Variants in MFHAS1 observed in about 807,000 individuals in gnomAD.
The protein encoded by MFHAS1 is multifunctional ROCO family signaling regulator 1, also known as malignant fibrous histiocytoma-amplified sequence 1.
In MFHAS1, 50 loss-of-function variants were observed where a neutral mutation model predicts 70.4. The observed-to-expected ratio is 0.71, with a 90% CI of 0.57 to 0.90. MFHAS1 has a LOEUF of 0.90. MFHAS1 is among the 40% of genes least tolerant of loss of function. MFHAS1 has a pLI of 0.00. For synonymous variants in MFHAS1, 952 were observed against 620.0 expected, an observed-to-expected ratio of 1.54 and a Z score of -7.96; for missense variants, 1,795 against 1,347.6, an observed-to-expected ratio of 1.33 and a Z score of -5.20.
At chr8:8,867,317 A>T (rs1232205756) in intron 1 of MFHAS1, among the ~76,000 whole-genome samples, 1 of 152,188 alleles carries the variant, frequency 6.6e-6, no homozygotes, top group East Asian at 1.9e-4. Context: ...ATACCCTCAC[A>T]TTTTTGAAAG....
At chr8:8,799,914 T>C (rs188566622) in intron 1 of MFHAS1, among the ~76,000 whole-genome samples, 2 of 152,336 alleles carry the variant, frequency 1.3e-5, no homozygotes, top group East Asian at 1.9e-4. Context: ...ATCCTCATTT[T>C]ACAAATGAGG....
At position 8,868,313 on chromosome 8, in the gene MFHAS1, C is replaced by T. The variant is rs144612791; in HGVS notation, c.2998+21748G>A. The stretch of plus-strand genomic sequence containing the variant: ...ATGAGCACTGTGTTGTATCTTTCGG[C>T]TAATAATATAGACAAACTAAGTTAA... On this transcript the variant is annotated intron_variant, in intron 1 of 2. Coordinates refer to ENST00000276282, the MANE Select transcript of MFHAS1 (RefSeq NM_004225.3). 1.9e-4 allele frequency among the ~76,000 whole-genome samples: 28 copies of T among 151,282 alleles called. No homozygotes were observed. The East Asian group carries it at 4.7e-3, about 25-fold the overall frequency.
intron 1 of MFHAS1, among the ~76,000 whole-genome samples, chr8:8,825,121 T>A (rs1313489922): frequency 6.6e-6 from 1 of 152,226 alleles, no homozygotes; most frequent in Non-Finnish European, 1.5e-5. Flanking sequence ...ATCAGCTTGC[T>A]AAGGCTATCA....
Position 8,784,508 on chromosome 8 carries a change from C to T in MFHAS1, c.*1514G>A, listed in dbSNP as rs1377471573. The T allele has an allele frequency of 6.6e-6, 1 of 152,166 alleles. No homozygotes were observed. Among genetic ancestry groups the T allele is most frequent in the Admixed American group, 6.5e-5 (1 of 15,286 alleles). The allele number at this position is 152,166 out of a possible 1,614,324, so 9.4% of individuals were successfully genotyped here. A position where few individuals can be genotyped will look rare whatever the true frequency, so the allele number is the denominator to read the frequency against. On this transcript the variant is annotated 3_prime_UTR_variant, in exon 3 of 3. Transcript: ENST00000276282. ...GGTTCTGGAGTCAGTGAAATTAATGCCTGGGGCACAAAATATTCTACAAAA... is the reference window on the plus strand; with the variant it reads ...GGTTCTGGAGTCAGTGAAATTAATGTCTGGGGCACAAAATATTCTACAAAA...
intron 1 of MFHAS1, among the ~76,000 whole-genome samples, chr8:8,853,402 A>G (rs1271749203): frequency 6.6e-6 from 1 of 151,070 alleles, no homozygotes; most frequent in Non-Finnish European, 1.5e-5. Flanking sequence ...TTACAGTTCC[A>G]TAAACCCAGA....
intron 1 of MFHAS1, among the ~76,000 whole-genome samples, chr8:8,818,643 C>G (rs1806832226): frequency 6.6e-6 from 1 of 152,214 alleles, no homozygotes; most frequent in African/African-American, 2.4e-5. Flanking sequence ...TGACTTAACC[C>G]TAGGCTTGGC....
intron 2 of MFHAS1, 61 bp downstream of exon 2, chr8:8,797,304 A>AT: frequency 1.9e-6 from 3 of 1,583,946 alleles, no homozygotes; most frequent in Non-Finnish European, 2.6e-6. Flanking sequence ...TTTTGTGGTC[A>AT]TATCTATGGA....
intron 1 of MFHAS1, among the ~76,000 whole-genome samples, chr8:8,870,750 A>G (rs1363533123): frequency 6.6e-6 from 1 of 152,146 alleles, no homozygotes; most frequent in Non-Finnish European, 1.5e-5. Context: ...ATCTCTGCTT[A>G]CTGTCCACAC....
chr8:8,858,750 C>T (rs1808547510), intron 1 of MFHAS1, among the ~76,000 whole-genome samples: 2 of 152,070 alleles, frequency 1.3e-5, no homozygotes, highest in African/African-American at 2.4e-5. Context: ...GCCAGCCCTC[C>T]GTATGCACAG....
intron 1 of MFHAS1, among the ~76,000 whole-genome samples, chr8:8,878,428 C>T (rs745744651): frequency 2.6e-5 from 4 of 152,194 alleles, no homozygotes; most frequent in Non-Finnish European, 5.9e-5. Context: ...CCCTAGGAGG[C>T]ACTTAGCACT....
chr8:8,785,882 A>G lies in MFHAS1; in HGVS notation c.*140T>C. The G allele has an allele frequency of 6.3e-6, 5 of 798,310 alleles. No homozygotes were observed. In the South Asian group the frequency reaches 6.5e-5, roughly 10 times the overall value. The allele number at this position is 798,310 out of a possible 1,614,324, so 49.5% of individuals were successfully genotyped here. ...TCCCCACCTCTTCCCCAGTCGTCCA[A>G]AAAGCACCCTGCAAGCACGCGTTGT... On this transcript the variant is annotated 3_prime_UTR_variant, in exon 3 of 3. Transcript: ENST00000276282.
intron 1 of MFHAS1, among the ~76,000 whole-genome samples, chr8:8,823,900 A>C (rs1172293833): frequency 1.6e-5 from 2 of 125,258 alleles, no homozygotes; most frequent in Non-Finnish European, 3.4e-5. Flanking sequence ...TGTATGAGTG[A>C]GCGCTCACAG....
At position 8,839,297 on chromosome 8, in the gene MFHAS1, T is replaced by C. The variant is rs1163702995; in HGVS notation, c.2999-41806A>G. Among the ~76,000 whole-genome samples the C allele has an allele frequency of 3.3e-5, 5 of 152,210 alleles. 1 individual carries two copies. The highest frequency in any genetic ancestry group is 2.0e-4 in the Admixed American group (3 of 15,280). ...GCAAAGACTCTAATTTCTCCACATC[T>C]TCATCCAACATATGTAAAGCCATTA... is the stretch of plus-strand genomic sequence containing the variant. On this transcript the variant is annotated intron_variant, in intron 1 of 2. Coordinates refer to ENST00000276282, the MANE Select transcript of MFHAS1 (RefSeq NM_004225.3).
At chr8:8,864,522 G>A (rs542890138) in intron 1 of MFHAS1, among the ~76,000 whole-genome samples, 1 of 152,192 alleles carries the variant, frequency 6.6e-6, no homozygotes, top group Non-Finnish European at 1.5e-5. Flanking sequence ...TTTCAGACAA[G>A]TCAAAATGCA....
rs1429282502 is a variant in MFHAS1, at chr8:8,892,561, G to C, written c.498C>G (p.Ser166Arg). 6.2e-7 allele frequency: 1 copy of C among 1,604,710 alleles called. No individual in the cohort carries two copies. Among genetic ancestry groups the C allele is most frequent in the Non-Finnish European group, 8.5e-7 (1 of 1,176,028 alleles). The change falls in exon 1 of 3, where the codon AGC (serine) becomes AGG (arginine). Residue 166 changes from serine (S) to arginine (R), a missense_variant. Physicochemically the swap from Ser to Arg is moderately radical, Grantham distance 110. Coordinates refer to ENST00000276282, the MANE Select transcript of MFHAS1 (RefSeq NM_004225.3). The surrounding 1 kb of genome is among the most constrained non-coding windows in gnomAD (Gnocchi z 4.7). ...ALAHLEELDV[S>R]FNRLAHLPDS... ...CAGGCAGGTGCGCCAGCCGGTTAAA[G>C]CTGACATCCAGCTCCTCCAGGTGAG... is the stretch of plus-strand genomic sequence containing the variant.
chr8:8,806,835 T>C (rs1459644223), intron 1 of MFHAS1, among the ~76,000 whole-genome samples: 2 of 151,730 alleles, frequency 1.3e-5, no homozygotes, highest in Admixed American at 6.6e-5. Context: ...GTGGTACACA[T>C]CTGTAATCCC....
chr8:8,844,122 C>G (rs1807941262), intron 1 of MFHAS1, among the ~76,000 whole-genome samples: 1 of 152,194 alleles, frequency 6.6e-6, no homozygotes, highest in South Asian at 2.1e-4. Context: ...AATGCAGTGT[C>G]AGCCCTTCTA....
intron 1 of MFHAS1, among the ~76,000 whole-genome samples, chr8:8,885,857 G>A (rs543488527): frequency 2.0e-5 from 3 of 152,300 alleles, no homozygotes; most frequent in South Asian, 2.1e-4. Flanking sequence ...TTACAGGCAT[G>A]AGCCACCATG....
rs1376973892 is a variant in MFHAS1 at position 8,891,400 on chromosome 8, G to C, written c.1659C>G (p.Asp553Glu). The C allele has an allele frequency of 1.7e-5, 28 of 1,612,312 alleles. No homozygotes were observed. In the Admixed American group the frequency reaches 4.5e-4, roughly 26 times the overall value. The change falls in exon 1 of 3, where the codon GAC becomes GAG. Residue 553 changes from aspartate (D) to glutamate (E), a missense_variant. By Grantham distance (45) the Asp-to-Glu change is conservative. Coordinates refer to ENST00000276282, the MANE Select transcript of MFHAS1 (RefSeq NM_004225.3). This position sits in a 1 kb window ranked among gnomAD's most constrained non-coding sequence, Gnocchi z 5.4. ...GERELEEKCL[D>E]IHRQIALQEK... is the part of the protein sequence containing the mutation. ...CCTGCAGGGCGATCTGGCGGTGAAT[G>C]TCCAGACATTTCTCCTCCAGCTCAC...
Sources: allele counts gnomAD v4.1 joint callset (sites outside exome capture counted in the v4.1 genomes callset), GRCh38; gene constraint gnomAD v4.1.1; non-coding constraint Gnocchi (gnomAD v3.1); transcripts MANE v1.5; gene names NCBI Gene and HGNC (gene_info 2026-07-23, HGNC 2026-07-21).